Variants in TRPM4 observed in about 807,000 individuals in gnomAD.
TRPM4 encodes the protein calcium-activated non-selective cation channel 1.
TRPM4 carries 124 observed loss-of-function variants against 135.6 expected under a neutral mutation model. The ratio of observed to expected loss-of-function variants is 0.91; its 90% CI spans 0.79 to 1.06. The LOEUF (loss-of-function observed/expected upper bound fraction) is 1.06, where lower values mean the gene tolerates loss of function less well. TRPM4 is among the 50% of genes least tolerant of loss of function. The pLI, the probability that TRPM4 is intolerant of heterozygous loss-of-function variation, is 0.00. For missense variants in TRPM4, 1,658 were observed against 1,671.4 expected (o/e 0.99, Z 0.14); for synonymous variants, 745 against 705.6 (o/e 1.06, Z -0.88).
chr19:49,166,229 C>G lies in TRPM4; in HGVS notation c.267+14C>G, dbSNP rs113040724. On this transcript the variant is annotated intron_variant, in intron 3 of 24. Coordinates refer to ENST00000252826, the MANE Select transcript of TRPM4 (RefSeq NM_017636.4). ...AAGCACAGCAATGTGAGGCGGGCCT[C>G]TGTGGGCGGGGCCCGGGCACCAGGG... 7.2e-3 allele frequency: 11,501 copies of G among 1,588,204 alleles called. 309 individuals carry two copies. The highest frequency in any genetic ancestry group is 0.069 in the African/African-American group (5,134 of 74,696).
Position 49,200,282 on chromosome 19 carries a change from C to T in TRPM4, c.2646-18C>T. ...GTCTTGTGACACTTGACCCTTGTGG[C>T]ATCTCCCCACACCCCAGGCTGACCC... On this transcript the variant is annotated intron_variant, in intron 17 of 24. Transcript: ENST00000252826. The T allele has an allele frequency of 6.2e-7, 1 of 1,614,128 alleles. No homozygotes were observed. Among genetic ancestry groups the T allele is most frequent in the Non-Finnish European group, 8.5e-7 (1 of 1,180,024 alleles).
rs1462376952 is a variant in TRPM4 at position 49,168,179 on chromosome 19, C to G, written c.449-81C>G. 6 of 1,578,188 alleles carry G rather than the reference C, an allele frequency of 3.8e-6. No individual in the cohort carries two copies. The African/African-American group carries it at 8.7e-5, about 23-fold the overall frequency. On this transcript the variant is annotated intron_variant, in intron 4 of 24. Coordinates refer to ENST00000252826, the MANE Select transcript of TRPM4 (RefSeq NM_017636.4). ...CCACGACTGTGGGTGGCCTCCCCCG[C>G]CGCCCAGTGTGTGTGTGTGTCTCTG...
Position 49,171,390 on chromosome 19 carries a change from T to C in TRPM4, c.830T>C (p.Leu277Pro). ...ATTGACATCCCTGTCCTGCTCCTCC[T>C]GATTGATGGTGATGAGAAGATGTTG... The part of the protein sequence containing the change: ...TGIDIPVLLL[L>P]IDGDEKMLTR... Residue 277 changes from leucine to proline, a missense_variant, in exon 7 of 25, where the codon CTG (leucine) becomes CCG (proline). Transcript: ENST00000252826. This position sits in a 1 kb window ranked among gnomAD's most constrained non-coding sequence, Gnocchi z 4.7. 1.2e-6 allele frequency: 2 copies of C among 1,613,958 alleles called. No homozygotes were observed. The highest frequency in any genetic ancestry group is 1.7e-6 in the Non-Finnish European group (2 of 1,179,992).
At position 49,183,564 on chromosome 19, in the gene TRPM4, T is replaced by C. The variant is rs563382756; in HGVS notation, c.1743+352T>C. On this transcript the variant is annotated intron_variant, in intron 12 of 24. Coordinates refer to ENST00000252826, the MANE Select transcript of TRPM4 (RefSeq NM_017636.4). ...GGCACCTGCCCCCACGCCTGGCTAA[T>C]TTTTGTTTTGTTTTGTTTTGTTTTA... Among the ~76,000 whole-genome samples, 7 of 150,990 alleles carry C rather than the reference T, an allele frequency of 4.6e-5. No individual in the cohort carries two copies. In the East Asian group the frequency reaches 1.4e-3, roughly 30 times the overall value.
At chr19:49,173,635 G>A (rs1967558931) in intron 9 of TRPM4, among the ~76,000 whole-genome samples, 1 of 152,120 alleles carries the variant, frequency 6.6e-6, no homozygotes, top group Non-Finnish European at 1.5e-5. Flanking sequence ...ATGCACACCT[G>A]GGAGAGGCTG....
At position 49,186,042 on chromosome 19, in the gene TRPM4, C is replaced by T. The variant is rs369551943; in HGVS notation, c.1744-2599C>T. On this transcript the variant is annotated intron_variant, in intron 12 of 24. Transcript: ENST00000252826. ...TTAGGATTACAGGCGTGAGCCACCG[C>T]GCCCACCCTGTTTAGTGACTTCTCT... is the stretch of plus-strand genomic sequence containing the variant. Among the ~76,000 whole-genome samples the T allele has an allele frequency of 1.4e-3, 206 of 152,296 alleles. 3 individuals are homozygous for T. Among genetic ancestry groups the T allele is most frequent in the South Asian group, 7.1e-3 (34 of 4,818 alleles).
rs1358124944 is a variant in TRPM4, at chr19:49,164,265, TTC to T, written c.93-1768_93-1767del. Among the ~76,000 whole-genome samples the T allele has an allele frequency of 9.8e-3, 1,381 of 141,428 alleles. 22 individuals carry two copies. Among genetic ancestry groups the T allele is most frequent in the African/African-American group, 0.034 (1,283 of 38,026 alleles). The allele number at this position is 141,428 out of a possible 152,430, so 92.8% of individuals were successfully genotyped here. A position where few individuals can be genotyped will look rare whatever the true frequency, so the allele number is the denominator to read the frequency against. On this transcript the variant is annotated intron_variant, in intron 2 of 24. Coordinates refer to ENST00000252826, the MANE Select transcript of TRPM4 (RefSeq NM_017636.4). ...TCTTTCTTTCTCTCTTTCTCTTTCT[TTC>T]TCTCTCTTTCCCTCCCTCCCTCCCT...
chr19:49,204,982 G>GTTTTTTT (rs756332219), intron 20 of TRPM4, among the ~76,000 whole-genome samples: 5 of 60,770 alleles, frequency 8.2e-5, no homozygotes, highest in Admixed American at 2.0e-4. Flanking sequence ...GGCTTTGGTT[G>GTTTTTTT]TTTTTTTTTT....
chr19:49,182,989 G>A (rs1364240115), intron 11 of TRPM4, 67 bp downstream of exon 11: 2 of 1,597,344 alleles, frequency 1.3e-6, no homozygotes, highest in East Asian at 2.2e-5. Context: ...ATTACATCAG[G>A]GATGGGGCGT....
rs1203101817 is a variant in TRPM4, at chr19:49,181,427, A to G, written c.1229A>G (p.Gln410Arg). The G allele has an allele frequency of 6.2e-7, 1 of 1,613,728 alleles. No individual in the cohort carries two copies. The highest frequency in any genetic ancestry group is 1.1e-5 in the South Asian group (1 of 91,064). The change falls in exon 10 of 25, where the codon CAG becomes CGG. Residue 410 changes from glutamine (Q) to arginine (R), a missense_variant. By Grantham distance (43) the Gln-to-Arg change is conservative. Transcript: ENST00000252826. ...GCTTGGAACCGCGTGGACATTGCCC[A>G]GAGTGAACTCTTTCGGGGGGACATC... ...AVAWNRVDIA[Q>R]SELFRGDIQW...
intron 16 of TRPM4, among the ~76,000 whole-genome samples, chr19:49,194,045 C>A (rs895514142): frequency 6.8e-6 from 1 of 147,698 alleles, no homozygotes; most frequent in African/African-American, 2.6e-5. Flanking sequence ...TGCTCCTCCG[C>A]CTTCTCCTCA....
intron 16 of TRPM4, among the ~76,000 whole-genome samples, chr19:49,194,877 C>T (rs1255002894): frequency 6.6e-6 from 1 of 151,314 alleles, no homozygotes; most frequent in Non-Finnish European, 1.5e-5. Context: ...ATTCTCCTGC[C>T]TCAGCCTCCT....
chr19:49,202,265 C>A, intron 20 of TRPM4, 124 bp downstream of exon 20: 1 of 1,190,928 alleles, frequency 8.4e-7, no homozygotes, highest in Non-Finnish European at 1.2e-6. Context: ...TCTAATGCTG[C>A]CTTCTCCCCA....
chr19:49,165,519 C>T (rs933236143), intron 2 of TRPM4, among the ~76,000 whole-genome samples: 4 of 152,162 alleles, frequency 2.6e-5, no homozygotes, highest in African/African-American at 9.7e-5. Flanking sequence ...TCAGGAAACA[C>T]GGCGTTCTTT....
In TRPM4 at chr19:49,171,702, A is replaced by G; in HGVS notation, c.983A>G (p.Gln328Arg). The G allele has an allele frequency of 2.5e-6, 4 of 1,613,970 alleles. No homozygotes were observed. The highest frequency in any genetic ancestry group is 3.4e-6 in the Non-Finnish European group (4 of 1,180,000). ...GCCCCAGGGAGTGGGGGAGCCAGGCAAGGCGAAGCCCGAGATCGAATCAGG... is the reference window on the plus strand; with the variant it reads ...GCCCCAGGGAGTGGGGGAGCCAGGCGAGGCGAAGCCCGAGATCGAATCAGG... ...TLAPGSGGAR[Q>R]GEARDRIRRF... The change falls in exon 8 of 25, where the codon CAA becomes CGA. Residue 328 changes from glutamine to arginine, a missense_variant. Physicochemically the swap from Gln to Arg is conservative, Grantham distance 43. This residue lies in a region of TRPM4 where 1,412 missense variants were observed against 1,408.7 expected (regional missense o/e 1.00). Coordinates refer to ENST00000252826, the MANE Select transcript of TRPM4 (RefSeq NM_017636.4). This position sits in a 1 kb window ranked among gnomAD's most constrained non-coding sequence, Gnocchi z 4.7.
Position 49,210,103 on chromosome 19 carries a change from C to A in TRPM4, c.3132-106C>A, listed in dbSNP as rs749498156. The stretch of plus-strand genomic sequence containing the variant: ...CCTCTGACTTTAGTGATCTTGACTT[C>A]TGTCTGCTGCTATAGACTGAACAAT... On this transcript the variant is annotated intron_variant, in intron 20 of 24. Coordinates refer to ENST00000252826, the MANE Select transcript of TRPM4 (RefSeq NM_017636.4). This position sits in a 1 kb window ranked among gnomAD's most constrained non-coding sequence, Gnocchi z 4.1. 1.9e-5 allele frequency: 23 copies of A among 1,205,326 alleles called. No individual in the cohort carries two copies. The highest frequency in any genetic ancestry group is 2.6e-5 in the Non-Finnish European group (21 of 808,742). The allele number at this position is 1,205,326 out of a possible 1,614,324, so 74.7% of individuals were successfully genotyped here.
intron 3 of TRPM4, 133 bp downstream of exon 3, chr19:49,166,348 C>A: frequency 1.1e-6 from 1 of 893,892 alleles, no homozygotes; most frequent in Non-Finnish European, 1.7e-6. Context: ...TTTGTCCCCT[C>A]CGCCCCACCT....
intron 20 of TRPM4, among the ~76,000 whole-genome samples, chr19:49,202,879 TTC>T (rs1444368562): frequency 2.9e-5 from 4 of 135,654 alleles, no homozygotes; most frequent in Admixed American, 7.2e-5. Context: ...CCATTTTTAC[TTC>T]TTTTTTTTTT....
Position 49,160,497 on chromosome 19 carries a change from A to G in TRPM4, c.92+2238A>G, listed in dbSNP as rs182680588. On this transcript the variant is annotated intron_variant, in intron 2 of 24. Transcript: ENST00000252826. ...AGACTCCATCTCAAAAAAAAAAAAA[A>G]AAAGAAAGAAAGAAAGAAAAAAGTG... 9.0e-3 allele frequency among the ~76,000 whole-genome samples: 1,368 copies of G among 151,442 alleles called. 21 individuals are homozygous for G. Among genetic ancestry groups the G allele is most frequent in the African/African-American group, 0.03 (1,230 of 41,078 alleles).
Sources: gnomAD v4.1 joint callset for allele counts (sites outside exome capture counted in the v4.1 genomes callset) on GRCh38, gnomAD v4.1.1 for gene constraint, gnomAD v4.1.1 regional missense constraint, Gnocchi (gnomAD v3.1) non-coding constraint, MANE v1.5 for transcripts, NCBI Gene and HGNC (gene_info 2026-07-23, HGNC 2026-07-21) for gene names.